The following MTMR4 variants were observed in gnomAD, a reference collection of about 807,000 sequenced individuals.
The protein encoded by MTMR4 is myotubularin related protein 4.
Under a neutral mutation model 125.5 loss-of-function variants are expected in MTMR4, and 30 were observed. The ratio of observed to expected loss-of-function variants is 0.24; its 90% confidence interval spans 0.18 to 0.32. The LOEUF is 0.32. Among genes scored for constraint, MTMR4 ranks in the 10% least tolerant of loss-of-function variants. The pLI, the probability that MTMR4 is intolerant of heterozygous loss-of-function variation, is 1.00. For missense variants in MTMR4, 1,039 were observed against 1,511.5 expected (o/e 0.69, Z 5.18); for synonymous variants, 498 against 564.5 (o/e 0.88, Z 1.67).
chr17:58,491,633 G>A lies in MTMR4; in HGVS notation c.*30C>T. On this transcript the variant is annotated 3_prime_UTR_variant, in exon 18 of 18. Transcript: ENST00000682306. ...TGAAGAAGATCCTCCCTTCAAACCT[G>A]CTAAAATTGGACAGGTTTCTCCCCG... 6.2e-7 allele frequency: 1 copy of A among 1,602,378 alleles called. No homozygotes were observed. The highest frequency in any genetic ancestry group is 8.5e-7 in the Non-Finnish European group (1 of 1,171,538).
Position 58,496,122 on chromosome 17 carries a change from C to G in MTMR4, c.2062G>C (p.Gly688Arg). The G allele has an allele frequency of 6.2e-7, 1 of 1,614,080 alleles. No individual in the cohort carries two copies. The highest frequency in any genetic ancestry group is 2.2e-5 in the East Asian group (1 of 44,886). Residue 688 changes from glycine to arginine, a missense_variant, in exon 15 of 18, where the codon GGT (glycine) becomes CGT (arginine). This residue lies in a region of MTMR4 where 619 missense variants were observed against 714.5 expected (regional missense o/e 0.87). Transcript: ENST00000682306. ...GGPQQTVGEV[G>R]LPPPLPSSQK... ...CTGCTGGGCAGAGGAGGAGGAAGAC[C>G]CACTTCTCCTACAGTTTGCTGAGGC...
chr17:58,508,441 A>T lies in MTMR4; in HGVS notation c.593+27T>A. The T allele has an allele frequency of 6.2e-7, 1 of 1,609,024 alleles. No individual in the cohort carries two copies. Among genetic ancestry groups the T allele is most frequent in the Non-Finnish European group, 8.5e-7 (1 of 1,175,386 alleles). ...AAACACGGAAGTAGTTTGGTGTGGA[A>T]GGTGTTTTGGTCCCCAACCCTCTCA... On this transcript the variant is annotated intron_variant, in intron 6 of 17. Coordinates refer to ENST00000682306, the MANE Select transcript of MTMR4 (RefSeq NM_001378067.1). The surrounding 1 kb of genome is among the most constrained non-coding windows in gnomAD (Gnocchi z 4.8).
chr17:58,518,381 TCCGGTCC>T (rs369483084), upstream of MTMR4, among the ~76,000 whole-genome samples: 9 of 152,258 alleles, frequency 5.9e-5, no homozygotes, highest in African/African-American at 2.2e-4. Context: ...GCAGCTGTCA[TCCGGTCC>T]CAACGCCAGA....
At chr17:58,497,219 C>T (rs184659021) in intron 14 of MTMR4, among the ~76,000 whole-genome samples, 9 of 152,290 alleles carry the variant, frequency 5.9e-5, no homozygotes, top group Admixed American at 3.3e-4. Flanking sequence ...TCAGCCTATG[C>T]GGAAAAATTC....
At chr17:58,501,454 C>T (rs769660862) in intron 14 of MTMR4, among the ~76,000 whole-genome samples, 61 of 151,822 alleles carry the variant, frequency 4.0e-4, no homozygotes, top group Non-Finnish European at 5.1e-4. Context: ...CCACTGCACC[C>T]AGCCTGAGTG....
At chr17:58,491,988 T>C (rs545120803) in intron 17 of MTMR4, 148 bp from the exon 18 acceptor site, 4 of 489,676 alleles carry the variant, frequency 8.2e-6, no homozygotes, top group East Asian at 6.5e-5. Context: ...CTGAGCAACA[T>C]AGCAAGAGCC....
chr17:58,504,658 A>C lies in MTMR4; in HGVS notation c.1341+121T>G. 1 of 1,387,972 alleles carries C rather than the reference A, an allele frequency of 7.2e-7. No homozygotes were observed. Among genetic ancestry groups the C allele is most frequent in the Non-Finnish European group, 9.8e-7 (1 of 1,021,212 alleles). The allele number at this position is 1,387,972 out of a possible 1,614,324, so 86.0% of individuals were successfully genotyped here. The stretch of plus-strand genomic sequence containing the variant: ...TCCAAGCCTTTGGGAGTTGGAAAAA[A>C]AAAGAAAAAAAGAGCCACCAATGTC... On this transcript the variant is annotated intron_variant, in intron 11 of 17. Transcript: ENST00000682306. This position sits in a 1 kb window ranked among gnomAD's most constrained non-coding sequence, Gnocchi z 7.1.
At position 58,495,923 on chromosome 17, in the gene MTMR4, T is replaced by C. The variant is rs200411415; in HGVS notation, c.2261A>G (p.Glu754Gly). ...TATGCCATCTAAAGTCCTACCCAGCTCATCCTGGGCAGAAGGGTCTGGAGC... is the reference window on the plus strand; with the variant it reads ...TATGCCATCTAAAGTCCTACCCAGCCCATCCTGGGCAGAAGGGTCTGGAGC... ...GPAPDPSAQDELGRTLDGIGE... is the reference protein window; with the variant it reads ...GPAPDPSAQDGLGRTLDGIGE... Residue 754 changes from glutamate (E) to glycine (G), a missense_variant, in exon 15 of 18, where the codon GAG becomes GGG. Physicochemically the swap from Glu to Gly is moderately conservative, Grantham distance 98. Coordinates refer to ENST00000682306, the MANE Select transcript of MTMR4 (RefSeq NM_001378067.1). The C allele has an allele frequency of 1.8e-5, 29 of 1,614,076 alleles. No homozygotes were observed. Among genetic ancestry groups the C allele is most frequent in the Non-Finnish European group, 2.3e-5 (27 of 1,180,034 alleles).
chr17:58,502,995 T>C (rs1186258419), intron 14 of MTMR4, among the ~76,000 whole-genome samples: 2 of 152,222 alleles, frequency 1.3e-5, no homozygotes, highest in Non-Finnish European at 2.9e-5. Flanking sequence ...CTGGCCTTTT[T>C]CTGAGGGAGT....
intron 8 of MTMR4, 68 bp from the exon 9 acceptor site, chr17:58,506,939 C>T: frequency 1.3e-6 from 2 of 1,578,240 alleles, no homozygotes; most frequent in Non-Finnish European, 1.7e-6. Flanking sequence ...CCCTCTGGCA[C>T]TCCCTCTCAG....
rs1322930503 is a variant in MTMR4 at position 58,504,987 on chromosome 17, A to G, written c.1146-13T>C. On this transcript the variant is annotated splice_polypyrimidine_tract_variant and intron_variant, in intron 10 of 17. Coordinates refer to ENST00000682306, the MANE Select transcript of MTMR4 (RefSeq NM_001378067.1). This position sits in a 1 kb window ranked among gnomAD's most constrained non-coding sequence, Gnocchi z 7.1. ...TGCCGACAACCAGCTACACAAAAGC[A>G]GACATCAAGTCGGTCACAAAGGGTG... 1 of 1,588,040 alleles carries G rather than the reference A, an allele frequency of 6.3e-7. No homozygotes were observed. Among genetic ancestry groups the G allele is most frequent in the African/African-American group, 1.3e-5 (1 of 74,472 alleles).
chr17:58,491,048 A>T lies in MTMR4; in HGVS notation c.*615T>A, dbSNP rs1220194558. ...TGTTCCCCTAAACTGAATATTCACC[A>T]ATGCTGGCTGATGAGCCAACTGAAA... On this transcript the variant is annotated 3_prime_UTR_variant, in exon 18 of 18. Transcript: ENST00000682306. 6.6e-6 allele frequency: 1 copy of T among 152,610 alleles called. No homozygotes were observed. Among genetic ancestry groups the T allele is most frequent in the Non-Finnish European group, 1.5e-5 (1 of 68,048 alleles). The allele number at this position is 152,610 out of a possible 1,614,324, so 9.5% of individuals were successfully genotyped here. A position where few individuals can be genotyped will look rare whatever the true frequency, so the allele number is the denominator to read the frequency against.
chr17:58,502,369 G>T (rs1975666227), intron 14 of MTMR4, among the ~76,000 whole-genome samples: 1 of 151,916 alleles, frequency 6.6e-6, no homozygotes, highest in African/African-American at 2.4e-5. Flanking sequence ...TGTTGGCCAG[G>T]CTGGCCTTGA....
intron 15 of MTMR4, among the ~76,000 whole-genome samples, chr17:58,494,146 C>T (rs1975389478): frequency 6.6e-6 from 1 of 151,414 alleles, no homozygotes; most frequent in East Asian, 1.9e-4. Flanking sequence ...GACCCCATCT[C>T]TACTAAAAAT....
chr17:58,508,254 T>C lies in MTMR4; in HGVS notation c.614A>G (p.Gln205Arg), dbSNP rs1975828237. The change falls in exon 7 of 18, where the codon CAG (glutamine) becomes CGG (arginine). Residue 205 changes from glutamine (Q) to arginine (R), a missense_variant. Physicochemically the swap from Gln to Arg is conservative, Grantham distance 43. Transcript: ENST00000682306. The surrounding 1 kb of genome is among the most constrained non-coding windows in gnomAD (Gnocchi z 4.8). ...GATCCACACAGGAACCAGCAGCTTC[T>C]GGGGGTAACTGGGGCACAATCTGAG... ...SNYKLCPSYP[Q>R]KLLVPVWITD... The C allele has an allele frequency of 6.2e-7, 1 of 1,614,092 alleles. No individual in the cohort carries two copies. Among genetic ancestry groups the C allele is most frequent in the East Asian group, 2.2e-5 (1 of 44,870 alleles).
At chr17:58,518,683 A>T (rs1407725494), upstream of MTMR4, among the ~76,000 whole-genome samples, 1 of 152,178 alleles carries the variant, frequency 6.6e-6, no homozygotes, top group Non-Finnish European at 1.5e-5. Context: ...GGAGACCAGG[A>T]CGCTCCCAAG....
In MTMR4 at chr17:58,512,555, A is replaced by G. The variant is rs774257766; in HGVS notation, c.136-49T>C. On this transcript the variant is annotated intron_variant, in intron 2 of 17. Transcript: ENST00000682306. This position sits in a 1 kb window ranked among gnomAD's most constrained non-coding sequence, Gnocchi z 4.1. ...CAGTCCAGAAGTGAGTGACCACCTT[A>G]TCCTCTTCTACAGCCCCTGATCTGT... 3 of 1,426,060 alleles carry G rather than the reference A, an allele frequency of 2.1e-6. No homozygotes were observed. 88.3% of individuals were successfully genotyped at this position (1,426,060 alleles called of 1,614,324 possible).
At position 58,508,807 on chromosome 17, in the gene MTMR4, A is replaced by T; in HGVS notation, c.370T>A (p.Trp124Arg). The change falls in exon 5 of 18, where the codon TGG (tryptophan) becomes AGG (arginine). Residue 124 changes from tryptophan to arginine, a missense_variant. Trp to Arg is a moderately radical substitution (Grantham distance 101). Transcript: ENST00000682306. The surrounding 1 kb of genome is among the most constrained non-coding windows in gnomAD (Gnocchi z 4.8). Reference sequence around the variant, plus strand: ...GTGGCTCGGCTTAGCCGTGAGAGCCACTCTTGGCACTGCTTAAAAGTGGAG... The same window carrying T: ...GTGGCTCGGCTTAGCCGTGAGAGCCTCTCTTGGCACTGCTTAAAAGTGGAG... ...HFSTFKQCQE[W>R]LSRLSRATAR... The T allele has an allele frequency of 6.2e-7, 1 of 1,614,036 alleles. No homozygotes were observed. The highest frequency in any genetic ancestry group is 8.5e-7 in the Non-Finnish European group (1 of 1,179,994).
intron 14 of MTMR4, among the ~76,000 whole-genome samples, chr17:58,499,918 C>A (rs542699895): frequency 6.6e-6 from 1 of 151,956 alleles, no homozygotes; most frequent in Admixed American, 6.6e-5. Flanking sequence ...GCATGAGCCA[C>A]CACGCCCAGC....
Sources: allele counts gnomAD v4.1 joint callset (sites outside exome capture counted in the v4.1 genomes callset), GRCh38; gene constraint gnomAD v4.1.1; regional missense constraint gnomAD v4.1.1; non-coding constraint Gnocchi (gnomAD v3.1); transcripts MANE v1.5; gene names NCBI Gene and HGNC (gene_info 2026-07-23, HGNC 2026-07-21).